The following GNB4 variants were observed in gnomAD, a reference collection of about 807,000 sequenced individuals.
GNB4 encodes G protein subunit beta 4, also known as guanine nucleotide-binding protein subunit beta-4.
A neutral mutation model predicts 45.2 loss-of-function variants in GNB4; 28 were observed. The observed-to-expected ratio is 0.62, with a 90% confidence interval of 0.46 to 0.85. The LOEUF (loss-of-function observed/expected upper bound fraction) is 0.85. Ranked by LOEUF, GNB4 falls within the 40% of genes least tolerant of loss-of-function variation. GNB4 has a pLI of 0.00. For missense variants in GNB4, 321 were observed against 425.4 expected (o/e 0.75, Z 2.16); for synonymous variants, 132 against 143.7 (o/e 0.92, Z 0.58).
intron 1 of GNB4, among the ~76,000 whole-genome samples, chr3:179,445,960 TAA>T (rs1559982980): frequency 6.6e-6 from 1 of 152,190 alleles, no homozygotes; most frequent in Non-Finnish European, 1.5e-5. Flanking sequence ...ATATAGACAC[TAA>T]GAGAAACTTT....
At chr3:179,403,800 A>T (rs201683837) in intron 9 of GNB4, among the ~76,000 whole-genome samples, 3 of 148,668 alleles carry the variant, frequency 2.0e-5, no homozygotes, top group Middle Eastern at 3.5e-3. Flanking sequence ...TCCGTCTCAA[A>T]AAAATAAAAT....
At chr3:179,447,845 G>T (rs1167906655) in intron 1 of GNB4, among the ~76,000 whole-genome samples, 1 of 152,216 alleles carries the variant, frequency 6.6e-6, no homozygotes, top group Admixed American at 6.5e-5. Flanking sequence ...AGAATTTTTA[G>T]CCTCAGCAAC....
the GNB4 span, among the ~76,000 whole-genome samples, chr3:179,474,476 G>A: frequency 2.0e-5 from 3 of 152,042 alleles, no homozygotes; most frequent in Admixed American, 1.3e-4. Context: ...TGCCTGCCTT[G>A]GCCTCCCAAA....
At chr3:179,465,463 G>A in the GNB4 span, 94,275 of 339,866 alleles carry the variant, frequency 0.28, 14,522 homozygotes, top group African/African-American at 0.41. Flanking sequence ...AAAAAAATTA[G>A]CCGGGCGTGG....
chr3:179,499,918 G>A, the GNB4 span, among the ~76,000 whole-genome samples: 1 of 152,118 alleles, frequency 6.6e-6, no homozygotes, highest in Non-Finnish European at 1.5e-5. Context: ...GCCCACATTT[G>A]ATGGGGTTGT....
At chr3:179,482,786 G>A in the GNB4 span, among the ~76,000 whole-genome samples, 1 of 152,146 alleles carries the variant, frequency 6.6e-6, no homozygotes, top group Non-Finnish European at 1.5e-5. Context: ...TGAGGGAGGT[G>A]GTATGGGTCA....
At chr3:179,500,897 C>T in the GNB4 span, among the ~76,000 whole-genome samples, 1 of 152,082 alleles carries the variant, frequency 6.6e-6, no homozygotes, top group Non-Finnish European at 1.5e-5. Flanking sequence ...TATTGGTGTA[C>T]AGGAATGCTT....
At chr3:179,478,502 C>CTGT in the GNB4 span, among the ~76,000 whole-genome samples, 1 of 151,860 alleles carries the variant, frequency 6.6e-6, no homozygotes, top group Non-Finnish European at 1.5e-5. Context: ...TAAGGTTTTG[C>CTGT]TGTTGTTGTT....
chr3:179,420,551 C>T (rs1407895512), intron 3 of GNB4, among the ~76,000 whole-genome samples: 3 of 151,574 alleles, frequency 2.0e-5, no homozygotes, highest in African/African-American at 7.3e-5. Context: ...CAACCTCTGC[C>T]TCCTGGGTTC....
At chr3:179,520,644 C>T in the GNB4 span, among the ~76,000 whole-genome samples, 1 of 152,166 alleles carries the variant, frequency 6.6e-6, no homozygotes, top group Admixed American at 6.5e-5. Flanking sequence ...CTCCCCGGCT[C>T]CTTCAGCTGT....
intron 1 of GNB4, among the ~76,000 whole-genome samples, chr3:179,442,441 G>A: frequency 6.6e-6 from 1 of 152,056 alleles, no homozygotes; most frequent in South Asian, 2.1e-4. Flanking sequence ...GAGCCTCTTG[G>A]TTTTAGTACT....
the GNB4 span, chr3:179,465,388 G>A: frequency 3.2e-6 from 2 of 619,174 alleles, no homozygotes; most frequent in East Asian, 3.5e-5. Flanking sequence ...CGAATCACGA[G>A]ATCAGGAAAC....
At chr3:179,441,419 C>A (rs1715590540) in intron 1 of GNB4, among the ~76,000 whole-genome samples, 1 of 152,040 alleles carries the variant, frequency 6.6e-6, no homozygotes, top group Non-Finnish European at 1.5e-5. Context: ...CTAAACATAT[C>A]TAAATATAGA....
the GNB4 span, among the ~76,000 whole-genome samples, chr3:179,480,878 G>A: frequency 2.1e-5 from 3 of 141,718 alleles, no homozygotes; most frequent in South Asian, 4.5e-4. Context: ...TTGAGACGGA[G>A]TCTTGCTCTG....
At chr3:179,502,793 G>A in the GNB4 span, among the ~76,000 whole-genome samples, 3 of 152,102 alleles carry the variant, frequency 2.0e-5, no homozygotes, top group East Asian at 3.9e-4. Flanking sequence ...TTAAATCAGA[G>A]ATTAAAACTC....
At chr3:179,476,793 C>T in the GNB4 span, among the ~76,000 whole-genome samples, 2 of 152,242 alleles carry the variant, frequency 1.3e-5, no homozygotes, top group Non-Finnish European at 2.9e-5. Flanking sequence ...TGAACCTCAC[C>T]TGGGCCTGCT....
At chr3:179,462,613 C>A in the GNB4 span, among the ~76,000 whole-genome samples, 1 of 152,048 alleles carries the variant, frequency 6.6e-6, no homozygotes, top group African/African-American at 2.4e-5. Context: ...CCGAGGCGGG[C>A]AAATCACTTG....
the GNB4 span, among the ~76,000 whole-genome samples, chr3:179,517,265 T>G: frequency 6.6e-6 from 1 of 152,278 alleles, no homozygotes; most frequent in East Asian, 1.9e-4. Context: ...GCTCCCCTGC[T>G]GAGCACCTTG....
the GNB4 span, among the ~76,000 whole-genome samples, chr3:179,524,030 T>TATGGAG: frequency 6.6e-6 from 1 of 152,308 alleles, no homozygotes; most frequent in African/African-American, 2.4e-5. Flanking sequence ...CCACAACAGT[T>TATGGAG]ATGGAGGCAA....
Sources: gnomAD v4.1 joint callset for allele counts (sites outside exome capture counted in the v4.1 genomes callset) on GRCh38, gnomAD v4.1.1 for gene constraint, MANE v1.5 for transcripts, NCBI Gene and HGNC (gene_info 2026-07-23, HGNC 2026-07-21) for gene names.